The following AGBL4 variants were observed in gnomAD, a reference collection of about 807,000 sequenced individuals.
AGBL4 encodes the protein AGBL carboxypeptidase 4, also known as cytosolic carboxypeptidase 6.
In AGBL4, 58 loss-of-function variants were observed where a neutral mutation model predicts 66.4. The ratio of observed to expected loss-of-function variants is 0.87; its 90% CI spans 0.71 to 1.09. The LOEUF (loss-of-function observed/expected upper bound fraction) is 1.09, where lower values mean the gene tolerates loss of function less well. AGBL4 is among the 50% of genes least tolerant of loss of function. AGBL4 has a pLI of 0.00. For missense variants in AGBL4, 579 were observed against 631.0 expected, an observed-to-expected ratio of 0.92 and a Z score of 0.88; for synonymous variants, 234 against 222.9, an observed-to-expected ratio of 1.05 and a Z score of -0.44.
chr1:49,322,983 T>C (rs1355554001), intron 3 of AGBL4, among the ~76,000 whole-genome samples: 1 of 152,248 alleles, frequency 6.6e-6, no homozygotes, highest in Non-Finnish European at 1.5e-5. Context: ...CATTTTTTAA[T>C]TTCTCAAAAT....
chr1:49,511,499 A>G (rs1389493939), intron 3 of AGBL4, among the ~76,000 whole-genome samples: 1 of 150,102 alleles, frequency 6.7e-6, no homozygotes, highest in Non-Finnish European at 1.5e-5. Context: ...AGATATACCT[A>G]ATGCTAGATG....
rs192438674 is a variant in AGBL4 at position 49,701,659 on chromosome 1, A to C, written c.158-4222T>G. On this transcript the variant is annotated intron_variant, in intron 2 of 13. Transcript: ENST00000371839. ...ACAAGAGTAGAAATAAATGACATAGAGAATAGAAAACATTACTGAAAGCCA... is the reference window on the plus strand; with the variant it reads ...ACAAGAGTAGAAATAAATGACATAGCGAATAGAAAACATTACTGAAAGCCA... 1.1e-4 allele frequency among the ~76,000 whole-genome samples: 17 copies of C among 152,236 alleles called. No individual in the cohort carries two copies. In the East Asian group the frequency reaches 3.3e-3, roughly 29 times the overall value.
At chr1:49,911,164 G>C (rs1650785845) in intron 1 of AGBL4, among the ~76,000 whole-genome samples, 1 of 152,176 alleles carries the variant, frequency 6.6e-6, no homozygotes, top group African/African-American at 2.4e-5. Flanking sequence ...TACAGGGGTG[G>C]ATGGAATGTG....
chr1:49,947,548 TA>T (rs1208071296), intron 1 of AGBL4, among the ~76,000 whole-genome samples: 2 of 151,274 alleles, frequency 1.3e-5, no homozygotes, highest in African/African-American at 4.8e-5. Flanking sequence ...TATCTCGTTG[TA>T]AAAAAAAGCC....
At chr1:49,694,399 G>A (rs1279946360) in intron 3 of AGBL4, among the ~76,000 whole-genome samples, 3 of 151,964 alleles carry the variant, frequency 2.0e-5, no homozygotes, top group Admixed American at 1.3e-4. Flanking sequence ...GCCTTCTTGC[G>A]ACAGATTTCC....
chr1:49,771,473 A>G (rs2147884101), intron 2 of AGBL4, among the ~76,000 whole-genome samples: 1 of 152,216 alleles, frequency 6.6e-6, no homozygotes, highest in Admixed American at 6.5e-5. Flanking sequence ...GTATTCTGCA[A>G]CTGTTGGATT....
At chr1:49,232,607 G>A (rs763169712) in intron 4 of AGBL4, among the ~76,000 whole-genome samples, 4 of 151,876 alleles carry the variant, frequency 2.6e-5, no homozygotes, top group Non-Finnish European at 5.9e-5. Flanking sequence ...GCTGAGGCAG[G>A]AGAATGGCAT....
intron 1 of AGBL4, among the ~76,000 whole-genome samples, chr1:49,857,151 C>T (rs551745710): frequency 6.1e-4 from 92 of 151,756 alleles, no homozygotes; most frequent in African/African-American, 1.7e-3. Flanking sequence ...AATTGAAATG[C>T]CTAGAAATAA....
At chr1:49,894,283 A>G (rs1437868050) in intron 1 of AGBL4, among the ~76,000 whole-genome samples, 3 of 152,166 alleles carry the variant, frequency 2.0e-5, no homozygotes, top group Admixed American at 2.0e-4. Context: ...CAAAGAGTAC[A>G]TTAAATACCT....
At chr1:49,754,276 T>A (rs4097079) in intron 2 of AGBL4, among the ~76,000 whole-genome samples, 77,464 of 150,036 alleles carry the variant, frequency 0.52, 21,302 homozygotes, top group Non-Finnish European at 0.62. Flanking sequence ...CTTTTTTTTT[T>A]TTATTTTTTT....
At chr1:49,795,236 G>A (rs1321363538) in intron 2 of AGBL4, among the ~76,000 whole-genome samples, 1 of 151,626 alleles carries the variant, frequency 6.6e-6, no homozygotes, top group Non-Finnish European at 1.5e-5. Flanking sequence ...AGTATATGAG[G>A]ACTTTCATTT....
intron 1 of AGBL4, chr1:49,996,081 T>TGCAGC (rs1660348849): frequency 1.3e-5 from 2 of 152,094 alleles, no homozygotes; most frequent in African/African-American, 2.4e-5. Flanking sequence ...AAGTCAAATA[T>TGCAGC]CTTCCCCCTG....
chr1:49,965,631 G>A lies in AGBL4; in HGVS notation c.34+58132C>T, dbSNP rs534042316. On this transcript the variant is annotated intron_variant, in intron 1 of 13. Transcript: ENST00000371839. ...CCATTTGGTTACCAAGCCATCTACTGTATAAAGATTAATATAAACAGCAAA... is the reference window on the plus strand; with the variant it reads ...CCATTTGGTTACCAAGCCATCTACTATATAAAGATTAATATAAACAGCAAA... Among the ~76,000 whole-genome samples the A allele has an allele frequency of 1.4e-3, 209 of 152,194 alleles. 1 individual carries two copies. Among genetic ancestry groups the A allele is most frequent in the African/African-American group, 4.7e-3 (196 of 41,536 alleles).
At chr1:48,922,398 G>A (rs1017195042) in intron 5 of AGBL4, among the ~76,000 whole-genome samples, 3 of 152,066 alleles carry the variant, frequency 2.0e-5, no homozygotes, top group Non-Finnish European at 4.4e-5. Context: ...GGAGGTAAGA[G>A]AAGGATGCTA....
intron 3 of AGBL4, among the ~76,000 whole-genome samples, chr1:49,657,105 A>G (rs1646155209): frequency 6.6e-6 from 1 of 152,092 alleles, no homozygotes; most frequent in Non-Finnish European, 1.5e-5. Context: ...TATCTAGAAA[A>G]CCCCATCGTC....
intron 3 of AGBL4, among the ~76,000 whole-genome samples, chr1:49,353,360 T>C (rs1643950695): frequency 6.6e-6 from 1 of 152,200 alleles, no homozygotes; most frequent in East Asian, 1.9e-4. Flanking sequence ...TATAAACTTA[T>C]TAAAGATGAC....
At chr1:48,902,258 A>G (rs1408425169) in intron 5 of AGBL4, among the ~76,000 whole-genome samples, 1 of 152,220 alleles carries the variant, frequency 6.6e-6, no homozygotes, top group South Asian at 2.1e-4. Flanking sequence ...ATTTTATTGT[A>G]TATTAATTAT....
chr1:49,417,685 T>C (rs1645457100), intron 3 of AGBL4, among the ~76,000 whole-genome samples: 1 of 152,154 alleles, frequency 6.6e-6, no homozygotes. Context: ...TGTCCCATTC[T>C]TCCCCTTGTA....
At chr1:49,638,703 A>G (rs1645724605) in intron 3 of AGBL4, among the ~76,000 whole-genome samples, 1 of 152,218 alleles carries the variant, frequency 6.6e-6, no homozygotes, top group African/African-American at 2.4e-5. Flanking sequence ...CATGTAAGAC[A>G]TGCCTTTGCT....
Sources: allele counts gnomAD v4.1 joint callset (sites outside exome capture counted in the v4.1 genomes callset), GRCh38; gene constraint gnomAD v4.1.1; transcripts MANE v1.5; gene names NCBI Gene and HGNC (gene_info 2026-07-23, HGNC 2026-07-21).